NCALD: variants seen among roughly 807,000 people sequenced by gnomAD.
NCALD encodes the protein neurocalcin delta, also known as neurocalcin-delta.
In NCALD, 10 loss-of-function variants were observed where a neutral mutation model predicts 18.6. The ratio of observed to expected loss-of-function variants is 0.54; its 90% confidence interval spans 0.33 to 0.91. NCALD has a LOEUF of 0.91. NCALD is among the 40% of genes least tolerant of loss of function. The pLI, the probability that NCALD is intolerant of heterozygous loss-of-function variation, is 0.03. For missense variants in NCALD, 184 were observed against 247.6 expected, an observed-to-expected ratio of 0.74 and a Z score of 1.72; for synonymous variants, 88 against 87.4, an observed-to-expected ratio of 1.01 and a Z score of -0.04.
intron 2 of NCALD, among the ~76,000 whole-genome samples, chr8:101,969,432 C>T (rs1820155413): frequency 1.3e-5 from 2 of 152,214 alleles, no homozygotes. Context: ...GATACTGTTA[C>T]TTCAACATAA....
chr8:101,943,963 A>AC (rs1157286820), intron 2 of NCALD, among the ~76,000 whole-genome samples: 3 of 120,766 alleles, frequency 2.5e-5, no homozygotes, highest in Non-Finnish European at 3.7e-5. Flanking sequence ...CAAAAAACAA[A>AC]AAACAAACAA....
At chr8:101,895,775 G>A (rs1350966659) in intron 3 of NCALD, among the ~76,000 whole-genome samples, 1 of 146,838 alleles carries the variant, frequency 6.8e-6, no homozygotes, top group Non-Finnish European at 1.5e-5. Context: ...CTGCTTCAAA[G>A]AGAACAAAAT....
At chr8:101,894,363 G>A (rs1185893173) in intron 3 of NCALD, among the ~76,000 whole-genome samples, 2 of 127,518 alleles carry the variant, frequency 1.6e-5, no homozygotes, top group African/African-American at 7.2e-5. Flanking sequence ...ATTCAAAGCA[G>A]TGTGTAGAGG....
chr8:101,950,221 G>A (rs1364322735), intron 2 of NCALD: 1 of 152,328 alleles, frequency 6.6e-6, no homozygotes, highest in African/African-American at 2.4e-5. Flanking sequence ...TTGGAAGCTG[G>A]AAAGCAGATG....
At chr8:102,017,383 C>T (rs1822121534) in intron 2 of NCALD, among the ~76,000 whole-genome samples, 1 of 152,030 alleles carries the variant, frequency 6.6e-6, no homozygotes, top group African/African-American at 2.4e-5. Flanking sequence ...TCTTTGCATC[C>T]TTCATTTTAG....
intron 4 of NCALD, among the ~76,000 whole-genome samples, chr8:101,828,969 G>C (rs1438852205): frequency 6.6e-6 from 1 of 151,266 alleles, no homozygotes; most frequent in Non-Finnish European, 1.5e-5. Flanking sequence ...GAGTGGGGTG[G>C]TGGGTGGGTA....
At chr8:101,960,975 T>C (rs922364438) in intron 2 of NCALD, among the ~76,000 whole-genome samples, 1 of 152,170 alleles carries the variant, frequency 6.6e-6, no homozygotes, top group Non-Finnish European at 1.5e-5. Flanking sequence ...ACCATCATCA[T>C]AACAGCCTGT....
At chr8:101,759,505 T>C (rs1811026080) in intron 1 of NCALD, among the ~76,000 whole-genome samples, 3 of 152,204 alleles carry the variant, frequency 2.0e-5, no homozygotes, top group African/African-American at 7.2e-5. Flanking sequence ...GATTATTTTC[T>C]GGAAGGACTT....
At chr8:101,723,188 T>A (rs1816436529) in intron 1 of NCALD, among the ~76,000 whole-genome samples, 1 of 152,036 alleles carries the variant, frequency 6.6e-6, no homozygotes, top group Admixed American at 6.5e-5. Context: ...TTTTCATAAC[T>A]CCAGTCAGTC....
chr8:101,928,965 G>A (rs1034998649), intron 2 of NCALD, among the ~76,000 whole-genome samples: 7 of 152,080 alleles, frequency 4.6e-5, no homozygotes, highest in African/African-American at 1.7e-4. Context: ...GGGTGAGCCT[G>A]AATGGTGAGG....
chr8:101,700,730 G>A (rs1447362586), intron 2 of NCALD, among the ~76,000 whole-genome samples: 2 of 152,178 alleles, frequency 1.3e-5, no homozygotes, highest in Non-Finnish European at 2.9e-5. Context: ...CACACTCAAC[G>A]GAAAGTCTTC....
At chr8:102,093,409 A>G (rs535270111) in intron 1 of NCALD, among the ~76,000 whole-genome samples, 4 of 152,350 alleles carry the variant, frequency 2.6e-5, no homozygotes, top group South Asian at 2.1e-4. Context: ...CTTCTCTCCT[A>G]TCTACATTAT....
intron 1 of NCALD, among the ~76,000 whole-genome samples, chr8:102,087,774 G>A (rs912927226): frequency 2.0e-5 from 3 of 152,142 alleles, no homozygotes; most frequent in Admixed American, 2.0e-4. Context: ...CTTGAGAGCT[G>A]ATGAGACTGC....
chr8:101,732,823 C>A (rs1816901725), intron 1 of NCALD, among the ~76,000 whole-genome samples: 1 of 151,988 alleles, frequency 6.6e-6, no homozygotes. Context: ...AGGTTGGTCT[C>A]AAACTCCTGG....
intron 1 of NCALD, among the ~76,000 whole-genome samples, chr8:101,740,163 G>C (rs1051157180): frequency 6.6e-6 from 1 of 152,204 alleles, no homozygotes; most frequent in Admixed American, 6.5e-5. Context: ...ATTAGCAGAG[G>C]ACACTGCTTT....
intron 4 of NCALD, among the ~76,000 whole-genome samples, chr8:101,819,788 G>C (rs16868487): frequency 0.021 from 3,178 of 152,246 alleles, 119 homozygotes; most frequent in East Asian, 0.12. Flanking sequence ...AGCAGCAGCG[G>C]CGGTGGTACA....
At chr8:101,755,605 C>G (rs1325883466) in intron 1 of NCALD, among the ~76,000 whole-genome samples, 2 of 152,156 alleles carry the variant, frequency 1.3e-5, no homozygotes, top group East Asian at 3.9e-4. Context: ...AGCAGCTTTT[C>G]CAGCCCGCAT....
chr8:101,966,190 AAAAG>A (rs1820022531), intron 2 of NCALD, among the ~76,000 whole-genome samples: 4 of 152,254 alleles, frequency 2.6e-5, no homozygotes, highest in African/African-American at 9.6e-5. Flanking sequence ...AAGCAAAAAA[AAAAG>A]AGAAAGAGAA....
At chr8:101,702,336 A>G (rs1563670834) in intron 2 of NCALD, among the ~76,000 whole-genome samples, 1 of 151,468 alleles carries the variant, frequency 6.6e-6, no homozygotes, top group Non-Finnish European at 1.5e-5. Flanking sequence ...GGCTCAAACC[A>G]TCCTCCCACC....
Sources: gnomAD v4.1 joint callset for allele counts (sites outside exome capture counted in the v4.1 genomes callset) on GRCh38, gnomAD v4.1.1 for gene constraint, MANE v1.5 for transcripts, NCBI Gene and HGNC (gene_info 2026-07-23, HGNC 2026-07-21) for gene names.